PLD5: variants seen among roughly 807,000 people sequenced by gnomAD.
The protein encoded by PLD5 is inactive phospholipase D5.
In PLD5, 36 loss-of-function variants were observed where a neutral mutation model predicts 61.1. The ratio of observed to expected loss-of-function variants is 0.59; its 90% CI spans 0.45 to 0.78. The LOEUF (loss-of-function observed/expected upper bound fraction) is 0.78. Ranked by LOEUF, PLD5 falls within the 30% of genes least tolerant of loss-of-function variation. The pLI is 0.00. For synonymous variants in PLD5, 243 were observed against 242.8 expected, an observed-to-expected ratio of 1.00 and a Z score of -0.01; for missense variants, 515 against 644.4, an observed-to-expected ratio of 0.80 and a Z score of 2.17.
intron 1 of PLD5, among the ~76,000 whole-genome samples, chr1:242,397,769 T>TTTC (rs199697142): frequency 6.1e-5 from 9 of 147,224 alleles, no homozygotes; most frequent in African/African-American, 1.5e-4. Context: ...AGCACGTCTT[T>TTTC]TTCTTCTTCT....
intron 5 of PLD5, among the ~76,000 whole-genome samples, chr1:242,153,156 T>C (rs963173605): frequency 1.3e-4 from 20 of 151,990 alleles, no homozygotes; most frequent in Non-Finnish European, 2.9e-5. Flanking sequence ...AGATGTATTC[T>C]TTTGAGAAGT....
chr1:242,098,188 C>G (rs1252000655), intron 9 of PLD5, among the ~76,000 whole-genome samples: 2 of 152,206 alleles, frequency 1.3e-5, no homozygotes, highest in African/African-American at 4.8e-5. Flanking sequence ...CCGTCACTTT[C>G]AGGTACACCA....
intron 5 of PLD5, among the ~76,000 whole-genome samples, chr1:242,142,202 G>T (rs1664221728): frequency 6.6e-6 from 1 of 152,224 alleles, no homozygotes; most frequent in African/African-American, 2.4e-5. Context: ...TTTGTGGGGA[G>T]CATAAATGCC....
intron 5 of PLD5, among the ~76,000 whole-genome samples, chr1:242,165,807 T>C (rs1214993769): frequency 6.6e-6 from 1 of 152,170 alleles, no homozygotes; most frequent in Non-Finnish European, 1.5e-5. Context: ...CTCTGCCACC[T>C]ACCTGACTGG....
At chr1:242,255,883 T>G (rs545963702) in intron 4 of PLD5, among the ~76,000 whole-genome samples, 2 of 152,338 alleles carry the variant, frequency 1.3e-5, no homozygotes, top group Non-Finnish European at 2.9e-5. Flanking sequence ...AGAGATTTAG[T>G]CTTATTTCAA....
At chr1:242,271,201 CAG>C (rs60075638) in intron 3 of PLD5, among the ~76,000 whole-genome samples, 26,679 of 101,598 alleles carry the variant, frequency 0.26, 4,427 homozygotes, top group Middle Eastern at 0.38. Flanking sequence ...CACACACACA[CAG>C]AGAGAGAGAG....
intron 2 of PLD5, among the ~76,000 whole-genome samples, chr1:242,290,702 C>A (rs1381770382): frequency 6.6e-6 from 1 of 151,700 alleles, no homozygotes; most frequent in Non-Finnish European, 1.5e-5. Context: ...AAGAAGCATG[C>A]AGTGGACATT....
At chr1:242,519,530 T>A (rs564076469) in intron 1 of PLD5, among the ~76,000 whole-genome samples, 1 of 152,250 alleles carries the variant, frequency 6.6e-6, no homozygotes. Flanking sequence ...CTCTTTCAAA[T>A]TTAAATGGGC....
intron 5 of PLD5, among the ~76,000 whole-genome samples, chr1:242,186,500 AT>A (rs60453478): frequency 2.6e-5 from 4 of 151,600 alleles, no homozygotes; most frequent in Non-Finnish European, 4.4e-5. Flanking sequence ...TAAGGAATAT[AT>A]TTTTTTTAAA....
chr1:242,372,363 C>G (rs1403463478), intron 1 of PLD5, among the ~76,000 whole-genome samples: 1 of 152,128 alleles, frequency 6.6e-6, no homozygotes, highest in Non-Finnish European at 1.5e-5. Flanking sequence ...AATGGCCATA[C>G]TGCCCAAGGT....
intron 1 of PLD5, among the ~76,000 whole-genome samples, chr1:242,464,083 A>G (rs1667203694): frequency 6.6e-6 from 1 of 152,202 alleles, no homozygotes; most frequent in Non-Finnish European, 1.5e-5. Flanking sequence ...CTTTCGGAGC[A>G]CTTCACGTAG....
chr1:242,125,539 T>G lies in PLD5; in HGVS notation c.736-874A>C, dbSNP rs181921101. Among the ~76,000 whole-genome samples, 35 of 152,306 alleles carry G rather than the reference T, an allele frequency of 2.3e-4. 1 individual carries two copies. The highest frequency in any genetic ancestry group is 7.8e-4 in the Admixed American group (12 of 15,294). ...GCTTCAGTTGAGTCCAGTATCCCTT[T>G]GCAAAAATTACAGATGATTTTTAAT... On this transcript the variant is annotated intron_variant, in intron 5 of 9. Transcript: ENST00000536534.
At chr1:242,320,150 A>T (rs1461873985) in intron 2 of PLD5, among the ~76,000 whole-genome samples, 1 of 152,142 alleles carries the variant, frequency 6.6e-6, no homozygotes, top group African/African-American at 2.4e-5. Context: ...ACATACACTG[A>T]GATGTATGAA....
intron 9 of PLD5, among the ~76,000 whole-genome samples, chr1:242,095,293 T>C (rs1188147233): frequency 2.0e-5 from 3 of 152,096 alleles, no homozygotes; most frequent in Admixed American, 6.5e-5. Flanking sequence ...AGTGCACTGA[T>C]GGGATCTTGG....
At chr1:242,436,594 C>A (rs1666008529) in intron 1 of PLD5, among the ~76,000 whole-genome samples, 1 of 152,156 alleles carries the variant, frequency 6.6e-6, no homozygotes, top group Non-Finnish European at 1.5e-5. Context: ...AAAAGTACAA[C>A]TGAAGACAAT....
At chr1:242,485,758 T>C (rs570234890) in intron 1 of PLD5, among the ~76,000 whole-genome samples, 1 of 152,212 alleles carries the variant, frequency 6.6e-6, no homozygotes, top group African/African-American at 2.4e-5. Context: ...CATTGCCAAG[T>C]CAATCCTAAG....
chr1:242,301,104 G>T (rs1358085561), intron 2 of PLD5, among the ~76,000 whole-genome samples: 1 of 152,056 alleles, frequency 6.6e-6, no homozygotes, highest in Non-Finnish European at 1.5e-5. Flanking sequence ...GCTTCTTCTT[G>T]GGAGACCTAT....
intron 5 of PLD5, among the ~76,000 whole-genome samples, chr1:242,211,481 G>A (rs1309107043): frequency 2.0e-5 from 3 of 152,174 alleles, no homozygotes; most frequent in African/African-American, 4.8e-5. Context: ...ACCCACAGTG[G>A]TTGACTCAAA....
chr1:242,101,985 T>A (rs1660730152), intron 8 of PLD5, among the ~76,000 whole-genome samples: 2 of 152,208 alleles, frequency 1.3e-5, no homozygotes, highest in South Asian at 2.1e-4. Flanking sequence ...TAGACAATGA[T>A]ACCTGGTTCA....
Sources: gnomAD v4.1 joint callset for allele counts (sites outside exome capture counted in the v4.1 genomes callset) on GRCh38, gnomAD v4.1.1 for gene constraint, MANE v1.5 for transcripts, NCBI Gene and HGNC (gene_info 2026-07-23, HGNC 2026-07-21) for gene names.